The following TGIF1 variants were observed in gnomAD, a reference collection of about 807,000 sequenced individuals.
TGIF1 encodes homeobox protein TGIF1.
A neutral mutation model predicts 19.3 loss-of-function variants in TGIF1; 4 were observed. The observed-to-expected ratio is 0.21, with a 90% CI of 0.10 to 0.47. TGIF1 has a LOEUF of 0.47. Ranked by LOEUF, TGIF1 falls within the 20% of genes least tolerant of loss-of-function variation. The probability of loss-of-function intolerance (pLI) is 0.98; values close to 1 mark genes in which losing one functional copy is unlikely to be tolerated. For synonymous variants in TGIF1, 122 were observed against 129.3 expected (o/e 0.94, Z 0.38); for missense variants, 275 against 341.4 (o/e 0.81, Z 1.53).
At position 3,459,055 on chromosome 18, in the gene TGIF1, A is replaced by G. The variant is rs1028784771; in HGVS notation, c.*1115A>G. The G allele has an allele frequency of 6.6e-6, 1 of 152,318 alleles. No individual in the cohort carries two copies. Among genetic ancestry groups the G allele is most frequent in the African/African-American group, 2.4e-5 (1 of 41,554 alleles). 9.4% of individuals were successfully genotyped at this position (152,318 alleles called of 1,614,324 possible). On this transcript the variant is annotated 3_prime_UTR_variant, in exon 3 of 3. Transcript: ENST00000343820. ...GTGGAGTTTGTTGGGATAGACAATCACTTACAAAGCCCAGATGGCCAGAAG... is the reference window on the plus strand; with the variant it reads ...GTGGAGTTTGTTGGGATAGACAATCGCTTACAAAGCCCAGATGGCCAGAAG...
chr18:3,452,258 C>T (rs1178499486), intron 1 of TGIF1: 1 of 1,609,646 alleles, frequency 6.2e-7, no homozygotes, highest in African/African-American at 1.3e-5. Flanking sequence ...AGCCGCGTGC[C>T]CTCTCCCCGG....
intron 2 of TGIF1, among the ~76,000 whole-genome samples, chr18:3,425,449 T>C (rs2143159368): frequency 6.6e-6 from 1 of 152,376 alleles, no homozygotes; most frequent in Non-Finnish European, 1.5e-5. Flanking sequence ...CCAGCCATTA[T>C]TCCGAAAGTC....
At chr18:3,422,677 T>TC (rs1555645913) in intron 2 of TGIF1, among the ~76,000 whole-genome samples, 2 of 26,246 alleles carry the variant, frequency 7.6e-5, no homozygotes, top group Non-Finnish European at 2.5e-4. Flanking sequence ...GGTGGCCTTT[T>TC]TTTTTTTTTT....
chr18:3,449,923 C>T (rs1470254065), upstream of TGIF1: 3 of 986,094 alleles, frequency 3.0e-6, no homozygotes, highest in Non-Finnish European at 3.6e-6. Flanking sequence ...GGTGCCCCCA[C>T]CGCCGGGCGA....
In TGIF1 at chr18:3,456,232, CCTT is replaced by C; in HGVS notation, c.17-119_17-117del. The C allele has an allele frequency of 4.1e-6, 4 of 978,658 alleles. No homozygotes were observed. The highest frequency in any genetic ancestry group is 2.4e-5 in the East Asian group (1 of 42,058). 60.6% of individuals were successfully genotyped at this position (978,658 alleles called of 1,614,324 possible). ...TGAATTCAGGACAGAAAACACTGCTCCTTCTCCTCGCTCTCAGTTGTTGGGAAA... is the reference window on the plus strand; with the variant it reads ...TGAATTCAGGACAGAAAACACTGCTCCTCCTCGCTCTCAGTTGTTGGGAAA... On this transcript the variant is annotated intron_variant, in intron 1 of 2. Coordinates refer to ENST00000343820, the MANE Select transcript of TGIF1 (RefSeq NM_003244.4). The surrounding 1 kb of genome is among the most constrained non-coding windows in gnomAD (Gnocchi z 4.2).
chr18:3,452,529 C>T (rs1199914843), intron 1 of TGIF1: 21 of 1,244,282 alleles, frequency 1.7e-5, no homozygotes, highest in African/African-American at 1.5e-4. Flanking sequence ...GTGGGATTCA[C>T]GGCCTCATTT....
chr18:3,444,506 G>T (rs911500685), intron 2 of TGIF1, among the ~76,000 whole-genome samples: 1 of 151,878 alleles, frequency 6.6e-6, no homozygotes, highest in Non-Finnish European at 1.5e-5. Flanking sequence ...CTTTGTGTTC[G>T]TAAGTTCTTA....
chr18:3,451,598 C>CT lies in TGIF1; in HGVS notation c.16+1096dup, dbSNP rs2082935515. On this transcript the variant is annotated intron_variant, in intron 1 of 2. Coordinates refer to ENST00000343820, the MANE Select transcript of TGIF1 (RefSeq NM_003244.4). This position sits in a 1 kb window ranked among gnomAD's most constrained non-coding sequence, Gnocchi z 5.4. The stretch of plus-strand genomic sequence containing the variant: ...CGCCTGGAGTTTGGAACTCCACATT[C>CT]TTTCAGACCCGGCCCGCTGCGGGGC... 4 of 1,051,950 alleles carry CT rather than the reference C, an allele frequency of 3.8e-6. No individual in the cohort carries two copies. The highest frequency in any genetic ancestry group is 3.4e-6 in the Non-Finnish European group (3 of 874,064). 65.2% of individuals were successfully genotyped at this position (1,051,950 alleles called of 1,614,324 possible). A position where few individuals can be genotyped will look rare whatever the true frequency, so the allele number is the denominator to read the frequency against.
At position 3,450,459 on chromosome 18, in the gene TGIF1, C is replaced by A. The variant is rs1265174971; in HGVS notation, c.-31C>A. On this transcript the variant is annotated 5_prime_UTR_variant, in exon 1 of 3. Coordinates refer to ENST00000343820, the MANE Select transcript of TGIF1 (RefSeq NM_003244.4). ...CGCTCCTGGCCCCTCCAGACCCCCG[C>A]CTTGCCTCGCGCTGGGAGGGGAGAT... 1 of 1,555,218 alleles carries A rather than the reference C, an allele frequency of 6.4e-7. No homozygotes were observed. Among genetic ancestry groups the A allele is most frequent in the Non-Finnish European group, 8.7e-7 (1 of 1,149,334 alleles).
Position 3,456,064 on chromosome 18 carries a change from T to C in TGIF1, c.17-290T>C, listed in dbSNP as rs928151188. 3 of 457,922 alleles carry C rather than the reference T, an allele frequency of 6.6e-6. No individual in the cohort carries two copies. The highest frequency in any genetic ancestry group is 8.1e-6 in the Non-Finnish European group (2 of 247,350). The allele number at this position is 457,922 out of a possible 1,614,324, so 28.4% of individuals were successfully genotyped here. ...GGTGCAGTTTGTCTCCTCCAATGAT[T>C]AGACGAAAGAGTTTTCTGACCATCA... is the stretch of plus-strand genomic sequence containing the variant. On this transcript the variant is annotated intron_variant, in intron 1 of 2. Transcript: ENST00000343820. This position sits in a 1 kb window ranked among gnomAD's most constrained non-coding sequence, Gnocchi z 4.2.
At position 3,458,765 on chromosome 18, in the gene TGIF1, T is replaced by C. The variant is rs1385281374; in HGVS notation, c.*825T>C. ...TGAAGCATCCGGTTATTGCTGAGTT[T>C]TCAGAAGAAAACAACGCAAGCAATC... is the stretch of plus-strand genomic sequence containing the variant. On this transcript the variant is annotated 3_prime_UTR_variant, in exon 3 of 3. Transcript: ENST00000343820. 1 of 152,248 alleles carries C rather than the reference T, an allele frequency of 6.6e-6. No individual in the cohort carries two copies. Among genetic ancestry groups the C allele is most frequent in the African/African-American group, 2.4e-5 (1 of 41,464 alleles). The allele number at this position is 152,248 out of a possible 1,614,324, so 9.4% of individuals were successfully genotyped here. A position where few individuals can be genotyped will look rare whatever the true frequency, so the allele number is the denominator to read the frequency against.
Position 3,425,778 on chromosome 18 carries a change from G to A in TGIF1, c.-45+7563G>A, listed in dbSNP as rs963352536. On this transcript the variant is annotated intron_variant, in intron 2 of 3. Coordinates refer to the TGIF1 transcript ENST00000401449. ...GATTTGGGTGATGACTGTCTCCTGC[G>A]TGGTGCCAGCATCGTGTCAACTGAA... Among the ~76,000 whole-genome samples the A allele has an allele frequency of 5.9e-5, 9 of 152,086 alleles. No homozygotes were observed. The South Asian group carries it at 8.3e-4, about 14-fold the overall frequency.
At chr18:3,447,843 C>G (rs775906056), upstream of TGIF1, 53 of 1,606,646 alleles carry the variant, frequency 3.3e-5, no homozygotes, top group Admixed American at 8.3e-5. Flanking sequence ...TCGAAAGAGG[C>G]TTTCAATTGT....
At chr18:3,433,955 T>G (rs777419766) in intron 2 of TGIF1, among the ~76,000 whole-genome samples, 2 of 152,250 alleles carry the variant, frequency 1.3e-5, no homozygotes, top group African/African-American at 4.8e-5. Context: ...GTTTATACTT[T>G]AACTACAATA....
At chr18:3,412,765 A>G (rs2082287027) in intron 1 of TGIF1, 1 of 152,252 alleles carries the variant, frequency 6.6e-6, no homozygotes, top group African/African-American at 2.4e-5. Flanking sequence ...TCCTAGCCTG[A>G]GTCGGTTTTT....
chr18:3,454,716 AC>A (rs1296814729), intron 1 of TGIF1, among the ~76,000 whole-genome samples: 1 of 152,252 alleles, frequency 6.6e-6, no homozygotes, highest in Non-Finnish European at 1.5e-5. Flanking sequence ...AATTTCAAAT[AC>A]ATGGCAGTTA....
At chr18:3,413,164 C>T (rs529977653) in intron 1 of TGIF1, 216 of 152,270 alleles carry the variant, frequency 1.4e-3, no homozygotes, top group African/African-American at 4.8e-3. Context: ...CAAAGAAATG[C>T]TCATTGTCTC....
At chr18:3,429,236 T>G (rs2082515484) in intron 2 of TGIF1, among the ~76,000 whole-genome samples, 1 of 152,190 alleles carries the variant, frequency 6.6e-6, no homozygotes, top group Non-Finnish European at 1.5e-5. Context: ...TTGTAATTTT[T>G]TTTTTGTAGA....
In TGIF1 at chr18:3,456,798, T is replaced by C; in HGVS notation, c.243+218T>C. ...ATCAGATAGCATTTCCTTTAATGCC[T>C]AAAAGAACCTTCCTTTATGCAACAG... On this transcript the variant is annotated intron_variant, in intron 2 of 2. Transcript: ENST00000343820. This position sits in a 1 kb window ranked among gnomAD's most constrained non-coding sequence, Gnocchi z 4.2. The C allele has an allele frequency of 1.5e-6, 1 of 657,086 alleles. No homozygotes were observed. Among genetic ancestry groups the C allele is most frequent in the South Asian group, 1.7e-5 (1 of 58,676 alleles). 40.7% of individuals were successfully genotyped at this position (657,086 alleles called of 1,614,324 possible).
Sources: gnomAD v4.1 joint callset for allele counts (sites outside exome capture counted in the v4.1 genomes callset) on GRCh38, gnomAD v4.1.1 for gene constraint, Gnocchi (gnomAD v3.1) non-coding constraint, MANE v1.5 for transcripts, NCBI Gene and HGNC (gene_info 2026-07-23, HGNC 2026-07-21) for gene names.